The following DOCK9 variants were observed in gnomAD, a reference collection of about 807,000 sequenced individuals.
DOCK9 encodes the protein dedicator of cytokinesis protein 9.
DOCK9 carries 89 observed loss-of-function variants against 263.3 expected under a neutral mutation model. The observed-to-expected ratio is 0.34, with a 90% CI of 0.28 to 0.40. The LOEUF is 0.40. DOCK9 is among the 10% of genes least tolerant of loss of function. The pLI, the probability that DOCK9 is intolerant of heterozygous loss-of-function variation, is 1.00. For missense variants in DOCK9, 2,140 were observed against 2,603.4 expected (o/e 0.82, Z 3.87); for synonymous variants, 976 against 973.1 (o/e 1.00, Z -0.06).
At chr13:98,896,264 G>A (rs959288686) in intron 15 of DOCK9, among the ~76,000 whole-genome samples, 2 of 152,152 alleles carry the variant, frequency 1.3e-5, no homozygotes, top group Non-Finnish European at 2.9e-5. Context: ...GGGATTTCAC[G>A]TCGCTGTGAA....
At chr13:98,860,849 T>C (rs560998200) in intron 32 of DOCK9, among the ~76,000 whole-genome samples, 6 of 152,286 alleles carry the variant, frequency 3.9e-5, no homozygotes, top group Admixed American at 3.9e-4. Flanking sequence ...GATTATTGTT[T>C]TGTTTTGTTT....
intron 48 of DOCK9, among the ~76,000 whole-genome samples, 188 bp downstream of exon 48, chr13:98,807,473 A>G (rs2140163649): frequency 6.6e-6 from 1 of 152,344 alleles, no homozygotes; most frequent in Non-Finnish European, 1.5e-5. Flanking sequence ...TTAGGCGATA[A>G]AGATTTTTTA....
At chr13:98,928,977 T>C (rs1324627341) in intron 3 of DOCK9, among the ~76,000 whole-genome samples, 1 of 152,094 alleles carries the variant, frequency 6.6e-6, no homozygotes, top group Non-Finnish European at 1.5e-5. Flanking sequence ...TTTTCAAAAA[T>C]CTCAATGGAA....
intron 35 of DOCK9, among the ~76,000 whole-genome samples, chr13:98,852,359 C>T (rs1209324932): frequency 6.6e-6 from 1 of 151,936 alleles, no homozygotes; most frequent in Non-Finnish European, 1.5e-5. Context: ...AACGAATTAC[C>T]CAGTCTTTAT....
At chr13:98,854,076 G>A (rs988833792) in intron 34 of DOCK9, among the ~76,000 whole-genome samples, 1 of 152,036 alleles carries the variant, frequency 6.6e-6, no homozygotes, top group Non-Finnish European at 1.5e-5. Context: ...TGCCCAACCG[G>A]GACAAACAGG....
rs145564994 is a variant in DOCK9 at position 98,989,267 on chromosome 13, C to T, written c.130-33716G>A. ...AAGACCCCTGTCTTGTAAGGGTTGCCAAACCTAGTTCTGCCTCAAGTCATT... is the reference window on the plus strand; with the variant it reads ...AAGACCCCTGTCTTGTAAGGGTTGCTAAACCTAGTTCTGCCTCAAGTCATT... On this transcript the variant is annotated intron_variant, in intron 1 of 32. Coordinates refer to the DOCK9 transcript ENST00000427887. Among the ~76,000 whole-genome samples, 15 of 151,016 alleles carry T rather than the reference C, an allele frequency of 9.9e-5. No individual in the cohort carries two copies. In the East Asian group the frequency reaches 2.1e-3, roughly 22 times the overall value.
At position 98,881,590 on chromosome 13, in the gene DOCK9, C is replaced by T. The variant is rs1390881886; in HGVS notation, c.2713G>A (p.Gly905Arg). The T allele has an allele frequency of 6.2e-7, 1 of 1,609,520 alleles. No homozygotes were observed. Among genetic ancestry groups the T allele is most frequent in the Admixed American group, 1.7e-5 (1 of 59,540 alleles). The change falls in exon 25 of 53, where the codon GGA becomes AGA. Residue 905 changes from glycine (G) to arginine (R), a missense_variant. By Grantham distance (125) the Gly-to-Arg change is moderately radical. Transcript: ENST00000682017. ...IHVVAQCHEE[G>R]LESHLRSYVK... ...TATGACCTCAAGTGGCTCTCCAATC[C>T]TTCCTCATGGCACTGGGCAACCACA...
At chr13:98,928,488 C>A (rs1196537483) in intron 3 of DOCK9, among the ~76,000 whole-genome samples, 1 of 152,178 alleles carries the variant, frequency 6.6e-6, no homozygotes, top group Non-Finnish European at 1.5e-5. Context: ...GCTCAACCTG[C>A]AGTGATTAAA....
At chr13:98,949,812 G>A (rs1211066844) in intron 2 of DOCK9, 6 of 468,388 alleles carry the variant, frequency 1.3e-5, no homozygotes, top group Admixed American at 1.1e-4. Context: ...AGCATGATGG[G>A]CCACCGAGAG....
chr13:98,884,323 C>A (rs976716429), intron 21 of DOCK9, among the ~76,000 whole-genome samples: 2 of 152,230 alleles, frequency 1.3e-5, no homozygotes, highest in African/African-American at 2.4e-5. Flanking sequence ...ACTTTTGAAA[C>A]CTCCATTTCT....
At chr13:98,862,383 C>T (rs777629046) in intron 32 of DOCK9, among the ~76,000 whole-genome samples, 10 of 152,072 alleles carry the variant, frequency 6.6e-5, no homozygotes, top group Non-Finnish European at 1.0e-4. Context: ...CAATCACTAG[C>T]GTCCTTATAA....
intron 32 of DOCK9, among the ~76,000 whole-genome samples, chr13:98,860,995 C>A (rs2093852400): frequency 6.6e-6 from 1 of 152,094 alleles, no homozygotes; most frequent in Non-Finnish European, 1.5e-5. Context: ...GTGGAGAAAT[C>A]ATATTAATTT....
At chr13:98,957,585 A>T (rs1410672714) in intron 1 of DOCK9, among the ~76,000 whole-genome samples, 1 of 151,886 alleles carries the variant, frequency 6.6e-6, no homozygotes, top group African/African-American at 2.4e-5. Context: ...TATACAAATT[A>T]TTTTTAAATA....
intron 9 of DOCK9, among the ~76,000 whole-genome samples, chr13:98,905,601 A>AG (rs962675946): frequency 1.3e-5 from 2 of 152,132 alleles, no homozygotes; most frequent in Non-Finnish European, 2.9e-5. Context: ...AAAAAAAAAA[A>AG]GTGAAAAGAA....
Position 98,925,807 on chromosome 13 carries a change from T to C in DOCK9, c.416+30A>G, listed in dbSNP as rs1056516019. ...CCAAGCATTTCAAGTACAAAGACTT[T>C]TCCCTATGTGTATAATATAGCTTAC... On this transcript the variant is annotated intron_variant, in intron 4 of 52. Transcript: ENST00000682017. 6 of 1,464,606 alleles carry C rather than the reference T, an allele frequency of 4.1e-6. No homozygotes were observed. In the African/African-American group the frequency reaches 4.3e-5, roughly 10 times the overall value. 90.7% of individuals were successfully genotyped at this position (1,464,606 alleles called of 1,614,324 possible).
At chr13:99,019,103 C>A (rs1476027678) in intron 1 of DOCK9, among the ~76,000 whole-genome samples, 1 of 151,974 alleles carries the variant, frequency 6.6e-6, no homozygotes, top group Admixed American at 6.6e-5. Context: ...GGCCCGAAAA[C>A]CATTATGTGA....
chr13:98,958,631 A>G (rs535234789), intron 1 of DOCK9, among the ~76,000 whole-genome samples: 4 of 152,388 alleles, frequency 2.6e-5, no homozygotes, highest in African/African-American at 9.6e-5. Flanking sequence ...TTATAAAAAC[A>G]GGCAGCAGCC....
intron 15 of DOCK9, among the ~76,000 whole-genome samples, chr13:98,890,337 T>C (rs1393045889): frequency 6.6e-6 from 1 of 152,190 alleles, no homozygotes; most frequent in African/African-American, 2.4e-5. Flanking sequence ...TTTCCAGCAG[T>C]TGAACAACTG....
At position 98,999,316 on chromosome 13, in the gene DOCK9, A is replaced by ACACACACACACACACACTCT; in HGVS notation, c.130-43766_130-43765insAGAGTGTGTGTGTGTGTGTG. Among the ~76,000 whole-genome samples the ACACACACACACACACACTCT allele has an allele frequency of 8.9e-4, 123 of 138,360 alleles. 1 individual carries two copies. The highest frequency in any genetic ancestry group is 3.0e-3 in the African/African-American group (108 of 35,538). The allele number at this position is 138,360 out of a possible 152,430, so 90.8% of individuals were successfully genotyped here. ...CACACACACACACACACACACACACACTCTCTCTCTCTCTCTCTCTGGAAG... is the reference window on the plus strand; with the variant it reads ...CACACACACACACACACACACACACACACACACACACACACACTCTCTCTCTCTCTCTCTCTCTCTGGAAG... On this transcript the variant is annotated intron_variant, in intron 1 of 32. Transcript: ENST00000427887.
Sources: allele counts gnomAD v4.1 joint callset (sites outside exome capture counted in the v4.1 genomes callset), GRCh38; gene constraint gnomAD v4.1.1; transcripts MANE v1.5; gene names NCBI Gene and HGNC (gene_info 2026-07-23, HGNC 2026-07-21).